KLF12: variants seen among roughly 807,000 people sequenced by gnomAD.
The protein encoded by KLF12 is Krueppel-like factor 12.
Under a neutral mutation model 37.8 loss-of-function variants are expected in KLF12, and 9 were observed. The ratio of observed to expected loss-of-function variants is 0.24; its 90% CI spans 0.14 to 0.42. KLF12 has a LOEUF of 0.42. Ranked by LOEUF, KLF12 falls within the 10% of genes least tolerant of loss-of-function variation. The probability of loss-of-function intolerance (pLI) is 1.00; values close to 1 mark genes in which losing one functional copy is unlikely to be tolerated. For synonymous variants in KLF12, 208 were observed against 202.1 expected (o/e 1.03, Z -0.25); for missense variants, 411 against 516.0 (o/e 0.80, Z 1.97).
At chr13:74,283,929 G>A in the KLF12 span, among the ~76,000 whole-genome samples, 6 of 150,336 alleles carry the variant, frequency 4.0e-5, no homozygotes, top group Non-Finnish European at 8.9e-5. Context: ...ACAGGATCTC[G>A]GCTCACTGCA....
At chr13:73,743,050 C>T (rs1297356285) in intron 6 of KLF12, among the ~76,000 whole-genome samples, 3 of 151,756 alleles carry the variant, frequency 2.0e-5, no homozygotes, top group Non-Finnish European at 4.4e-5. Flanking sequence ...CCTTTAGTCT[C>T]ATCCCTTTCG....
intron 3 of KLF12, among the ~76,000 whole-genome samples, chr13:73,942,113 C>T (rs1890214536): frequency 6.6e-6 from 1 of 152,062 alleles, no homozygotes; most frequent in Non-Finnish European, 1.5e-5. Context: ...TCAGGTAGAC[C>T]TTACCTTGAA....
chr13:73,939,067 C>T (rs145719796), intron 3 of KLF12, among the ~76,000 whole-genome samples: 5 of 152,306 alleles, frequency 3.3e-5, no homozygotes, highest in South Asian at 2.1e-4. Flanking sequence ...TCTTCTCTGC[C>T]GGCCCACGGA....
chr13:73,704,158 C>A (rs918823585), intron 7 of KLF12, among the ~76,000 whole-genome samples: 1 of 152,056 alleles, frequency 6.6e-6, no homozygotes, highest in South Asian at 2.1e-4. Flanking sequence ...CTTAACTTCT[C>A]GCGTGGCAGG....
the KLF12 span, among the ~76,000 whole-genome samples, chr13:74,170,091 C>T: frequency 6.6e-6 from 1 of 151,974 alleles, no homozygotes; most frequent in African/African-American, 2.4e-5. Context: ...CCTATAGACA[C>T]TGCAAACCAC....
chr13:74,078,898 G>A (rs1436334124), intron 1 of KLF12, among the ~76,000 whole-genome samples: 6 of 152,142 alleles, frequency 3.9e-5, no homozygotes, highest in South Asian at 4.2e-4. Context: ...AAAATGTACC[G>A]TATTATTTTA....
intron 5 of KLF12, among the ~76,000 whole-genome samples, chr13:73,767,416 C>A (rs1173717239): frequency 6.6e-6 from 1 of 152,206 alleles, no homozygotes; most frequent in East Asian, 1.9e-4. Context: ...TCGATTACTG[C>A]TAAGCCACTT....
intron 1 of KLF12, among the ~76,000 whole-genome samples, chr13:74,000,473 A>G (rs956525744): frequency 6.6e-6 from 1 of 152,228 alleles, no homozygotes; most frequent in Non-Finnish European, 1.5e-5. Context: ...TGTTCGTTGC[A>G]TAAGTCGACT....
chr13:73,710,442 A>T (rs1315845948), intron 7 of KLF12, among the ~76,000 whole-genome samples: 1 of 144,754 alleles, frequency 6.9e-6, no homozygotes, highest in African/African-American at 2.6e-5. Context: ...GTTTTGTGGC[A>T]ATCCTATGTC....
At chr13:74,245,698 A>G in the KLF12 span, among the ~76,000 whole-genome samples, 4 of 152,134 alleles carry the variant, frequency 2.6e-5, no homozygotes, top group African/African-American at 9.7e-5. Flanking sequence ...TTGTTGTTTT[A>G]TGAACCTTGT....
rs1374893480 is a variant in KLF12 at position 73,695,385 on chromosome 13, T to G, written c.*105A>C. On this transcript the variant is annotated 3_prime_UTR_variant, in exon 8 of 8. Coordinates refer to ENST00000377669, the MANE Select transcript of KLF12 (RefSeq NM_007249.5). The stretch of plus-strand genomic sequence containing the variant: ...TGCTCTGGTTTCAGACATCGTGGGA[T>G]GGTGATGCCCTTTTGTGTTAACACT... The G allele has an allele frequency of 1.3e-5, 14 of 1,077,502 alleles. No homozygotes were observed. Among genetic ancestry groups the G allele is most frequent in the Non-Finnish European group, 1.9e-5 (14 of 737,418 alleles). The allele number at this position is 1,077,502 out of a possible 1,614,324, so 66.7% of individuals were successfully genotyped here.
intron 6 of KLF12, among the ~76,000 whole-genome samples, chr13:73,729,734 T>C (rs1395157382): frequency 1.3e-5 from 2 of 152,216 alleles, no homozygotes; most frequent in East Asian, 3.8e-4. Context: ...AGTAGATTAG[T>C]AGCAGTCAGC....
chr13:73,917,261 G>A (rs2139192540), intron 3 of KLF12, among the ~76,000 whole-genome samples: 1 of 152,194 alleles, frequency 6.6e-6, no homozygotes, highest in East Asian at 1.9e-4. Flanking sequence ...CTAGGAGACA[G>A]GCACTTACTA....
chr13:74,160,022 A>T, the KLF12 span, among the ~76,000 whole-genome samples: 24 of 140,800 alleles, frequency 1.7e-4, 1 homozygote, highest in Non-Finnish European at 2.5e-4. Context: ...AAAAAAAAAA[A>T]AAGGTACTTT....
the KLF12 span, among the ~76,000 whole-genome samples, chr13:74,248,606 C>G: frequency 6.6e-6 from 1 of 152,062 alleles, no homozygotes; most frequent in Admixed American, 6.6e-5. Context: ...ATCCAGTTTT[C>G]TTATAGTCAG....
At chr13:74,242,872 C>G in the KLF12 span, among the ~76,000 whole-genome samples, 1 of 152,128 alleles carries the variant, frequency 6.6e-6, no homozygotes, top group Non-Finnish European at 1.5e-5. Context: ...TCTGGGCACT[C>G]GGGGAAGTTG....
intron 3 of KLF12, among the ~76,000 whole-genome samples, chr13:73,890,350 A>C (rs1887444317): frequency 6.6e-6 from 1 of 152,138 alleles, no homozygotes; most frequent in South Asian, 2.1e-4. Context: ...TTCTGACTAG[A>C]AACCCCACTC....
At chr13:73,984,304 T>C (rs1306545671) in intron 2 of KLF12, among the ~76,000 whole-genome samples, 4 of 152,162 alleles carry the variant, frequency 2.6e-5, no homozygotes, top group Admixed American at 2.6e-4. Flanking sequence ...CATCTCACAC[T>C]GGGAAGGTGC....
chr13:74,172,050 C>G, the KLF12 span, among the ~76,000 whole-genome samples: 12 of 151,790 alleles, frequency 7.9e-5, no homozygotes, highest in Non-Finnish European at 1.5e-4. Context: ...TACCATTGAC[C>G]CCAGCCAAAT....
Sources: allele counts gnomAD v4.1 joint callset (sites outside exome capture counted in the v4.1 genomes callset), GRCh38; gene constraint gnomAD v4.1.1; transcripts MANE v1.5; gene names NCBI Gene and HGNC (gene_info 2026-07-23, HGNC 2026-07-21).